The following ZDHHC20 variants were observed in gnomAD, a reference collection of about 807,000 sequenced individuals.
ZDHHC20 encodes the protein palmitoyltransferase ZDHHC20.
In ZDHHC20, 43 loss-of-function variants were observed where a neutral mutation model predicts 57.8. The observed-to-expected ratio is 0.74, with a 90% confidence interval of 0.58 to 0.96. The LOEUF (loss-of-function observed/expected upper bound fraction) is 0.96, where lower values mean the gene tolerates loss of function less well. Among genes scored for constraint, ZDHHC20 ranks in the 40% least tolerant of loss-of-function variants. The probability of loss-of-function intolerance (pLI) is 0.00; values close to 1 mark genes in which losing one functional copy is unlikely to be tolerated. For missense variants in ZDHHC20, 391 were observed against 441.1 expected (o/e 0.89, Z 1.02); for synonymous variants, 157 against 153.0 (o/e 1.03, Z -0.19).
At chr13:21,413,125 C>G (rs573363232) in intron 4 of ZDHHC20, among the ~76,000 whole-genome samples, 1 of 152,186 alleles carries the variant, frequency 6.6e-6, no homozygotes, top group African/African-American at 2.4e-5. Context: ...GCTGCTGTTA[C>G]AGTCATGGAT....
rs535531255 is a variant in ZDHHC20 at position 21,428,170 on chromosome 13, T to G, written c.119-2492A>C. Among the ~76,000 whole-genome samples the G allele has an allele frequency of 3.5e-4, 54 of 152,234 alleles. 1 individual carries two copies. In the South Asian group the frequency reaches 7.7e-3, roughly 22 times the overall value. On this transcript the variant is annotated intron_variant, in intron 1 of 12. Transcript: ENST00000400590. The stretch of plus-strand genomic sequence containing the variant: ...CAGCAATCTGCAGAACCTCTCTCAG[T>G]GAGACGAGGCTATTCCTTTTTATGG...
intron 1 of ZDHHC20, among the ~76,000 whole-genome samples, chr13:21,440,585 TGGG>T (rs1376073954): frequency 6.6e-6 from 1 of 152,028 alleles, no homozygotes; most frequent in Admixed American, 6.6e-5. Context: ...CACTCCAGCC[TGGG>T]TGACAACAGC....
intron 10 of ZDHHC20, chr13:21,381,975 G>A (rs554992943): frequency 1.9e-6 from 1 of 513,994 alleles, no homozygotes. Flanking sequence ...CAGTGATTTA[G>A]CGTAGACTTA....
At chr13:21,444,868 C>T (rs1424586450) in intron 1 of ZDHHC20, among the ~76,000 whole-genome samples, 3 of 152,044 alleles carry the variant, frequency 2.0e-5, no homozygotes, top group Non-Finnish European at 4.4e-5. Context: ...CCAGCCCTGG[C>T]AACATAGCAA....
chr13:21,418,259 T>C (rs1391452570), intron 3 of ZDHHC20, among the ~76,000 whole-genome samples: 1 of 152,166 alleles, frequency 6.6e-6, no homozygotes, highest in East Asian at 1.9e-4. Flanking sequence ...GCAAGGTCAC[T>C]GGATACAGGC....
chr13:21,444,351 C>T (rs1169098891), intron 1 of ZDHHC20, among the ~76,000 whole-genome samples: 4 of 152,094 alleles, frequency 2.6e-5, no homozygotes, highest in African/African-American at 9.7e-5. Flanking sequence ...ACTCCCAAAT[C>T]CAAGTCCATG....
At chr13:21,392,140 G>A in intron 7 of ZDHHC20, among the ~76,000 whole-genome samples, 1 of 149,288 alleles carries the variant, frequency 6.7e-6, no homozygotes, top group Non-Finnish European at 1.5e-5. Flanking sequence ...CTATTGGGGA[G>A]ACTGAGACAA....
chr13:21,381,370 T>G, intron 11 of ZDHHC20, 64 bp downstream of exon 11: 1 of 1,208,234 alleles, frequency 8.3e-7, no homozygotes, highest in Non-Finnish European at 1.2e-6. Context: ...TTTTTCCACA[T>G]GTATTATATC....
At chr13:21,439,269 G>A (rs1237505899) in intron 1 of ZDHHC20, among the ~76,000 whole-genome samples, 1 of 152,216 alleles carries the variant, frequency 6.6e-6, no homozygotes, top group Non-Finnish European at 1.5e-5. Context: ...GGAGGCTGAG[G>A]CAAGAGGATC....
At chr13:21,449,980 G>C (rs1884290945) in intron 1 of ZDHHC20, among the ~76,000 whole-genome samples, 1 of 152,082 alleles carries the variant, frequency 6.6e-6, no homozygotes, top group African/African-American at 2.4e-5. Flanking sequence ...ACTAAGCAGT[G>C]ATCATGGTGG....
At chr13:21,408,922 G>T (rs1319323988) in intron 4 of ZDHHC20, among the ~76,000 whole-genome samples, 2 of 152,182 alleles carry the variant, frequency 1.3e-5, no homozygotes, top group African/African-American at 4.8e-5. Context: ...ATCGATTTGT[G>T]TATATTGAAC....
At position 21,375,455 on chromosome 13, in the gene ZDHHC20, C is replaced by T. The variant is rs1249969536; in HGVS notation, c.*1241G>A. The T allele has an allele frequency of 4.5e-6, 1 of 224,344 alleles. No homozygotes were observed. Among genetic ancestry groups the T allele is most frequent in the Non-Finnish European group, 8.9e-6 (1 of 111,740 alleles). 13.9% of individuals were successfully genotyped at this position (224,344 alleles called of 1,614,324 possible). ...TTGGAGTTAATGCAACACCTCCTGT[C>T]GCTTAGATTTTAAAAGGAAAAAGGA... On this transcript the variant is annotated 3_prime_UTR_variant, in exon 13 of 13. Transcript: ENST00000400590.
At chr13:21,429,250 G>A (rs143465597) in intron 1 of ZDHHC20, among the ~76,000 whole-genome samples, 172 of 152,328 alleles carry the variant, frequency 1.1e-3, no homozygotes, top group African/African-American at 3.9e-3. Context: ...CTTAACAAGT[G>A]AGAAGCACGT....
chr13:21,412,690 C>G (rs1879377294), intron 4 of ZDHHC20, among the ~76,000 whole-genome samples: 1 of 151,896 alleles, frequency 6.6e-6, no homozygotes, highest in African/African-American at 2.4e-5. Flanking sequence ...AATAATAGGC[C>G]AGACACGGTG....
chr13:21,414,277 T>C (rs1464535050), intron 3 of ZDHHC20, among the ~76,000 whole-genome samples: 1 of 148,256 alleles, frequency 6.7e-6, no homozygotes, highest in East Asian at 2.1e-4. Context: ...AGTTAACCAA[T>C]AGGACTTAGT....
At chr13:21,420,857 C>T (rs568073368) in intron 3 of ZDHHC20, among the ~76,000 whole-genome samples, 1 of 152,246 alleles carries the variant, frequency 6.6e-6, no homozygotes, top group South Asian at 2.1e-4. Context: ...CATTTCTATA[C>T]CGCTGAACTT....
intron 10 of ZDHHC20, among the ~76,000 whole-genome samples, chr13:21,382,574 C>CA (rs1227403266): frequency 6.6e-6 from 1 of 152,032 alleles, no homozygotes; most frequent in African/African-American, 2.4e-5. Flanking sequence ...AATTTATTTG[C>CA]AAAAACATAA....
At chr13:21,441,884 A>G (rs1883209409) in intron 1 of ZDHHC20, among the ~76,000 whole-genome samples, 1 of 152,134 alleles carries the variant, frequency 6.6e-6, no homozygotes, top group African/African-American at 2.4e-5. Context: ...TCCCTCTTCC[A>G]AAGTCTCATG....
intron 4 of ZDHHC20, among the ~76,000 whole-genome samples, chr13:21,409,581 G>A (rs756699667): frequency 1.4e-4 from 21 of 151,880 alleles, no homozygotes; most frequent in East Asian, 5.8e-4. Flanking sequence ...GGCTCTGTTC[G>A]TTCCTTTTCA....
Sources: gnomAD v4.1 joint callset for allele counts (sites outside exome capture counted in the v4.1 genomes callset) on GRCh38, gnomAD v4.1.1 for gene constraint, MANE v1.5 for transcripts, NCBI Gene and HGNC (gene_info 2026-07-23, HGNC 2026-07-21) for gene names.